Variants in MCRIP1 observed in about 807,000 individuals in gnomAD.
The protein encoded by MCRIP1 is mapk-regulated corepressor-interacting protein 1.
In MCRIP1, 10 loss-of-function variants were observed where a neutral mutation model predicts 14.4. The ratio of observed to expected loss-of-function variants is 0.70; its 90% CI spans 0.43 to 1.18. The LOEUF (loss-of-function observed/expected upper bound fraction) is 1.18, where lower values mean the gene tolerates loss of function less well. Among genes scored for constraint, MCRIP1 ranks in the 50% most tolerant of loss-of-function variants. The pLI, the probability that MCRIP1 is intolerant of heterozygous loss-of-function variation, is 0.00. For missense variants in MCRIP1, 119 were observed against 135.4 expected, an observed-to-expected ratio of 0.88 and a Z score of 0.60; for synonymous variants, 53 against 55.7, an observed-to-expected ratio of 0.95 and a Z score of 0.21.
At chr17:81,825,669 C>A (rs1466338949) in intron 1 of MCRIP1, 2 of 1,289,398 alleles carry the variant, frequency 1.6e-6, no homozygotes, top group Non-Finnish European at 2.0e-6. Flanking sequence ...CAGCAAAGAG[C>A]AGAAAACCAG....
intron 1 of MCRIP1, among the ~76,000 whole-genome samples, chr17:81,827,935 C>T (rs892136392): frequency 2.0e-5 from 3 of 151,876 alleles, no homozygotes; most frequent in Non-Finnish European, 4.4e-5. Flanking sequence ...CGCCCGCCAC[C>T]ACGCCCAGCT....
intron 1 of MCRIP1, chr17:81,824,840 C>T (rs148040258): frequency 1.5e-6 from 2 of 1,312,818 alleles, no homozygotes; most frequent in Non-Finnish European, 1.9e-6. Context: ...GTCTCAGGCT[C>T]AGACGTGGAG....
intron 1 of MCRIP1, among the ~76,000 whole-genome samples, 198 bp downstream of exon 1, chr17:81,833,040 G>C (rs1181892054): frequency 1.3e-5 from 2 of 150,940 alleles, no homozygotes; most frequent in South Asian, 4.2e-4. Flanking sequence ...GGCGCCCCGC[G>C]GGCCGCGCCC....
chr17:81,823,204 C>G lies in MCRIP1; in HGVS notation c.*43G>C. On this transcript the variant is annotated 3_prime_UTR_variant, in exon 5 of 5. Coordinates refer to ENST00000455127, the MANE Select transcript of MCRIP1 (RefSeq NM_207368.5). The surrounding 1 kb of genome is among the most constrained non-coding windows in gnomAD (Gnocchi z 6.0). ...ACAGGACAGGAGGGAACCGACACCT[C>G]GCACCCTGATCTTCCGGAGGCCGGG... The G allele has an allele frequency of 3.3e-6, 5 of 1,527,918 alleles. No homozygotes were observed. Among genetic ancestry groups the G allele is most frequent in the Non-Finnish European group, 4.4e-6 (5 of 1,140,182 alleles). 94.6% of individuals were successfully genotyped at this position (1,527,918 alleles called of 1,614,324 possible). A position where few individuals can be genotyped will look rare whatever the true frequency, so the allele number is the denominator to read the frequency against.
intron 1 of MCRIP1, among the ~76,000 whole-genome samples, chr17:81,828,992 T>C (rs2038465637): frequency 6.6e-6 from 1 of 152,102 alleles, no homozygotes. Context: ...CAGGCTGGTG[T>C]CTGGCTAAGC....
chr17:81,827,217 CAA>C (rs2038425113), intron 1 of MCRIP1, among the ~76,000 whole-genome samples: 1 of 151,806 alleles, frequency 6.6e-6, no homozygotes. Flanking sequence ...CACTTGAGCC[CAA>C]GAGTTCAAAA....
At chr17:81,833,001 G>C (rs1383034993) in intron 1 of MCRIP1, among the ~76,000 whole-genome samples, 2 of 151,744 alleles carry the variant, frequency 1.3e-5, no homozygotes, top group African/African-American at 4.8e-5. Flanking sequence ...CGCTCAGTCC[G>C]AGCCGCGCCC....
intron 1 of MCRIP1, 41 bp downstream of exon 1, chr17:81,833,197 C>T (rs920078266): frequency 2.0e-5 from 3 of 147,706 alleles, no homozygotes; most frequent in African/African-American, 4.9e-5. Flanking sequence ...GCCCGCCCCG[C>T]CCCGCCCCGT....
intron 1 of MCRIP1, chr17:81,824,883 A>G: frequency 1.5e-5 from 18 of 1,219,228 alleles, no homozygotes; most frequent in Non-Finnish European, 1.8e-5. Context: ...CACTGTGGCC[A>G]GAGCCCCTCC....
chr17:81,832,944 C>T (rs183803206), intron 1 of MCRIP1, among the ~76,000 whole-genome samples: 35 of 152,222 alleles, frequency 2.3e-4, no homozygotes, highest in Non-Finnish European at 4.4e-4. Context: ...TGCGAGCGTC[C>T]GGCGGCGCTG....
rs2143276640 is a variant in MCRIP1, at chr17:81,833,230, C to CGCCTCACCT, written c.-50_-49+7dup. ...CGTCCCCGCCGCCCGGCGCCGCACCCGCCTCACCTCGCCCCGACCCGCCGC... is the reference window on the plus strand; with the variant it reads ...CGTCCCCGCCGCCCGGCGCCGCACCCGCCTCACCTGCCTCACCTCGCCCCGACCCGCCGC... On this transcript the variant is annotated splice_region_variant and intron_variant, in intron 1 of 4. Transcript: ENST00000455127. The CGCCTCACCT allele has an allele frequency of 1.3e-5, 2 of 149,984 alleles. No homozygotes were observed. The highest frequency in any genetic ancestry group is 3.9e-4 in the East Asian group (2 of 5,148). 9.3% of individuals were successfully genotyped at this position (149,984 alleles called of 1,614,324 possible).
At chr17:81,830,840 T>C (rs1462646986) in intron 1 of MCRIP1, among the ~76,000 whole-genome samples, 1 of 147,890 alleles carries the variant, frequency 6.8e-6, no homozygotes, top group Non-Finnish European at 1.5e-5. Context: ...CTGGGCAACA[T>C]GGCAAAACCC....
intron 1 of MCRIP1, chr17:81,825,417 G>T (rs891985686): frequency 9.2e-6 from 11 of 1,190,352 alleles, no homozygotes; most frequent in Middle Eastern, 3.7e-4. Flanking sequence ...CTCCAGAGGG[G>T]GCAACTCCAG....
At chr17:81,826,253 C>CCACACATACCTACCTGCA (rs1254318079) in intron 1 of MCRIP1, 1 of 1,525,926 alleles carries the variant, frequency 6.6e-7, no homozygotes, top group Non-Finnish European at 8.8e-7. Flanking sequence ...ACACACCTGC[C>CCACACATACCTACCTGCA]CACACATACC....
rs1276107262 is a variant in MCRIP1, at chr17:81,824,359, G to C, written c.55C>G (p.Pro19Ala). The change falls in exon 3 of 5, where the codon CCC (proline) becomes GCC (alanine). Residue 19 changes from proline to alanine, a missense_variant. Transcript: ENST00000455127. Reference sequence around the variant, plus strand: ...TCGCTGCTGCTGGGTGGGGAGCGGGGGCTGCTGGTCCTCTTGCCGTTGTAC... The same window carrying C: ...TCGCTGCTGCTGGGTGGGGAGCGGGCGCTGCTGGTCCTCTTGCCGTTGTAC... The part of the protein sequence containing the change: ...VVYNGKRTSS[P>A]RSPPSSSEIF... 5.2e-6 allele frequency: 8 copies of C among 1,533,046 alleles called. No individual in the cohort carries two copies. Among genetic ancestry groups the C allele is most frequent in the Non-Finnish European group, 7.0e-6 (8 of 1,145,404 alleles). 95.0% of individuals were successfully genotyped at this position (1,533,046 alleles called of 1,614,324 possible). A position where few individuals can be genotyped will look rare whatever the true frequency, so the allele number is the denominator to read the frequency against.
rs989629526 is a variant in MCRIP1 at position 81,822,844 on chromosome 17, C to T, written c.*403G>A. The stretch of plus-strand genomic sequence containing the variant: ...TCCTGTATCCTGACCACTTCAAGGA[C>T]AAAACCAGCCCAGTCCCAGCAGCCT... On this transcript the variant is annotated 3_prime_UTR_variant, in exon 5 of 5. Coordinates refer to ENST00000455127, the MANE Select transcript of MCRIP1 (RefSeq NM_207368.5). 5.9e-6 allele frequency: 2 copies of T among 341,662 alleles called. No homozygotes were observed. The highest frequency in any genetic ancestry group is 1.3e-4 in the East Asian group (2 of 14,884). The allele number at this position is 341,662 out of a possible 1,614,324, so 21.2% of individuals were successfully genotyped here.
chr17:81,824,424 T>C lies in MCRIP1; in HGVS notation c.9-19A>G, dbSNP rs1260823165. ...GGGGGAGCTGGGGGAGCCTGGCGCA[T>C]GAGACAGGGCACACAGCAGGGTGGG... On this transcript the variant is annotated intron_variant, in intron 2 of 4. Transcript: ENST00000455127. The C allele has an allele frequency of 2.0e-6, 3 of 1,533,396 alleles. No homozygotes were observed. Among genetic ancestry groups the C allele is most frequent in the South Asian group, 1.2e-5 (1 of 83,910 alleles). 95.0% of individuals were successfully genotyped at this position (1,533,396 alleles called of 1,614,324 possible). A position where few individuals can be genotyped will look rare whatever the true frequency, so the allele number is the denominator to read the frequency against.
At chr17:81,824,686 G>GGT in intron 1 of MCRIP1, 132 bp from the exon 2 acceptor site, 1 of 1,475,724 alleles carries the variant, frequency 6.8e-7, no homozygotes. Context: ...TGCCTACCAG[G>GGT]GTGTCCCCCA....
In MCRIP1 at chr17:81,823,712, G is replaced by A. The variant is rs1598247828; in HGVS notation, c.128-199C>T. On this transcript the variant is annotated intron_variant, in intron 3 of 4. Transcript: ENST00000455127. This position sits in a 1 kb window ranked among gnomAD's most constrained non-coding sequence, Gnocchi z 6.0. ...CCGTCCCCGCTCCTCTGGCAGGCCT[G>A]TCCCTTCCCCGCAAGATGACCAGGA... 1.6e-6 allele frequency: 1 copy of A among 607,532 alleles called. No individual in the cohort carries two copies. The highest frequency in any genetic ancestry group is 2.7e-5 in the East Asian group (1 of 36,450). 37.6% of individuals were successfully genotyped at this position (607,532 alleles called of 1,614,324 possible).
Sources: allele counts gnomAD v4.1 joint callset (sites outside exome capture counted in the v4.1 genomes callset), GRCh38; gene constraint gnomAD v4.1.1; non-coding constraint Gnocchi (gnomAD v3.1); transcripts MANE v1.5; gene names NCBI Gene and HGNC (gene_info 2026-07-23, HGNC 2026-07-21).